CUX1: variants seen among roughly 807,000 people sequenced by gnomAD.
The protein encoded by CUX1 is cut like homeobox 1, also known as protein CASP.
In CUX1, 31 loss-of-function variants were observed where a neutral mutation model predicts 158.8. The observed-to-expected ratio is 0.20, with a 90% CI of 0.15 to 0.26. The LOEUF (loss-of-function observed/expected upper bound fraction) is 0.26, where lower values mean the gene tolerates loss of function less well. Among genes scored for constraint, CUX1 ranks in the 10% least tolerant of loss-of-function variants. CUX1 has a pLI of 1.00. For synonymous variants in CUX1, 879 were observed against 862.1 expected, an observed-to-expected ratio of 1.02 and a Z score of -0.34; for missense variants, 1,589 against 2,014.6, an observed-to-expected ratio of 0.79 and a Z score of 4.04.
At chr7:102,150,408 G>A (rs1283230518) in intron 8 of CUX1, among the ~76,000 whole-genome samples, 5 of 152,096 alleles carry the variant, frequency 3.3e-5, no homozygotes, top group African/African-American at 7.2e-5. Flanking sequence ...CACCTACCTC[G>A]GCCTCCCAAA....
chr7:102,090,537 G>A (rs1434513648), intron 4 of CUX1, among the ~76,000 whole-genome samples: 1 of 151,776 alleles, frequency 6.6e-6, no homozygotes, highest in African/African-American at 2.4e-5. Context: ...ACAGGAGCCC[G>A]CCACCACGCC....
intron 2 of CUX1, among the ~76,000 whole-genome samples, chr7:101,967,734 C>T (rs1811410812): frequency 6.6e-6 from 1 of 152,192 alleles, no homozygotes; most frequent in Non-Finnish European, 1.5e-5. Flanking sequence ...TCCCCAGAAA[C>T]ATATAATCAG....
intron 10 of CUX1, among the ~76,000 whole-genome samples, chr7:102,175,165 G>A (rs1414733587): frequency 6.6e-6 from 1 of 152,230 alleles, no homozygotes; most frequent in African/African-American, 2.4e-5. Flanking sequence ...GGGCGCAGGA[G>A]TTGAGCCCTC....
At chr7:101,962,882 G>C (rs576766314) in intron 2 of CUX1, among the ~76,000 whole-genome samples, 2 of 152,102 alleles carry the variant, frequency 1.3e-5, no homozygotes, top group Non-Finnish European at 2.9e-5. Flanking sequence ...CACTGCACCA[G>C]GCCAATTTTT....
intron 8 of CUX1, among the ~76,000 whole-genome samples, chr7:102,122,714 A>G (rs781975895): frequency 1.2e-4 from 19 of 152,200 alleles, no homozygotes; most frequent in Non-Finnish European, 2.5e-4. Context: ...TGGCTAGGAA[A>G]TGTAATTGAC....
chr7:101,821,476 C>T (rs189769321), intron 1 of CUX1, among the ~76,000 whole-genome samples: 3 of 151,394 alleles, frequency 2.0e-5, no homozygotes, highest in African/African-American at 7.3e-5. Flanking sequence ...GTAGCTGGGA[C>T]TACAGGCGCT....
At chr7:102,221,373 C>T (rs1469263496) in intron 20 of CUX1, among the ~76,000 whole-genome samples, 10 of 152,150 alleles carry the variant, frequency 6.6e-5, no homozygotes, top group African/African-American at 2.4e-4. Context: ...CACCTTCAAG[C>T]TGTTTTTTAC....
chr7:101,861,573 G>A (rs1797460876), intron 1 of CUX1, among the ~76,000 whole-genome samples: 1 of 151,574 alleles, frequency 6.6e-6, no homozygotes, highest in Non-Finnish European at 1.5e-5. Flanking sequence ...GGTGGGACAG[G>A]CGGAGGACTG....
intron 2 of CUX1, among the ~76,000 whole-genome samples, chr7:101,965,222 A>G (rs1253964659): frequency 2.0e-5 from 3 of 152,106 alleles, no homozygotes; most frequent in African/African-American, 7.2e-5. Flanking sequence ...CTATAATCTA[A>G]TGAATCCAGC....
At chr7:101,832,543 C>T (rs1031287038) in intron 1 of CUX1, among the ~76,000 whole-genome samples, 3 of 152,154 alleles carry the variant, frequency 2.0e-5, no homozygotes, top group Admixed American at 6.5e-5. Context: ...ACCCACACTT[C>T]GGCGTTGGAC....
intron 2 of CUX1, among the ~76,000 whole-genome samples, chr7:102,004,056 T>A (rs1174014100): frequency 6.6e-6 from 1 of 152,230 alleles, no homozygotes; most frequent in Non-Finnish European, 1.5e-5. Context: ...AGCTTAACTT[T>A]TTTGTCTTCC....
chr7:102,088,440 C>G (rs1302694875), intron 4 of CUX1, among the ~76,000 whole-genome samples: 1 of 151,946 alleles, frequency 6.6e-6, no homozygotes, highest in African/African-American at 2.4e-5. Context: ...GGAGACCAGC[C>G]TGGCCAATAT....
At chr7:101,843,388 T>G (rs1026926940) in intron 1 of CUX1, among the ~76,000 whole-genome samples, 3 of 152,170 alleles carry the variant, frequency 2.0e-5, no homozygotes, top group Non-Finnish European at 4.4e-5. Flanking sequence ...GCCATCTTAT[T>G]TTGTGTTTTC....
intron 2 of CUX1, among the ~76,000 whole-genome samples, chr7:101,983,205 T>C (rs951520625): frequency 6.6e-6 from 1 of 152,198 alleles, no homozygotes; most frequent in African/African-American, 2.4e-5. Flanking sequence ...GGCATATACG[T>C]GTTTTGAATA....
chr7:102,047,158 C>T (rs1430591277), intron 3 of CUX1, among the ~76,000 whole-genome samples: 2 of 152,168 alleles, frequency 1.3e-5, no homozygotes, highest in African/African-American at 4.8e-5. Flanking sequence ...TGAATGTAGC[C>T]GTTGCCTTCA....
chr7:102,249,263 C>A lies in CUX1; in HGVS notation c.*221C>A. The A allele has an allele frequency of 9.4e-7, 1 of 1,061,068 alleles. No individual in the cohort carries two copies. The highest frequency in any genetic ancestry group is 1.1e-6 in the Non-Finnish European group (1 of 877,848). The allele number at this position is 1,061,068 out of a possible 1,614,324, so 65.7% of individuals were successfully genotyped here. The stretch of plus-strand genomic sequence containing the variant: ...CGCGGCCCAGACCCACTCTGCGGCC[C>A]GGGCCGACCCTGCGGCCTCCACCAA... On this transcript the variant is annotated 3_prime_UTR_variant, in exon 24 of 24. Coordinates refer to ENST00000292535, the MANE Select transcript of CUX1 (RefSeq NM_181552.4).
intron 2 of CUX1, among the ~76,000 whole-genome samples, chr7:101,972,428 T>C (rs930974565): frequency 5.9e-5 from 9 of 152,212 alleles, no homozygotes. Flanking sequence ...AGAATTTTCT[T>C]GCCTCCTCGG....
At position 101,878,333 on chromosome 7, in the gene CUX1, G is replaced by C. The variant is rs565060931; in HGVS notation, c.31-37782G>C. Among the ~76,000 whole-genome samples, 9 of 152,328 alleles carry C rather than the reference G, an allele frequency of 5.9e-5. No homozygotes were observed. In the South Asian group the frequency reaches 1.7e-3, roughly 28 times the overall value. ...TGACTGTCAGTGAGTGTGCCTAGGA[G>C]AGGGGTGGGTCCTTTTAGAGACCAA... On this transcript the variant is annotated intron_variant, in intron 1 of 23. Coordinates refer to ENST00000292535, the MANE Select transcript of CUX1 (RefSeq NM_181552.4).
intron 2 of CUX1, among the ~76,000 whole-genome samples, chr7:102,006,726 A>C (rs754882857): frequency 2.6e-5 from 4 of 152,170 alleles, no homozygotes; most frequent in Admixed American, 1.3e-4. Flanking sequence ...TTATTGGTGA[A>C]TGGGTTTGGG....
Sources: gnomAD v4.1 joint callset for allele counts (sites outside exome capture counted in the v4.1 genomes callset) on GRCh38, gnomAD v4.1.1 for gene constraint, MANE v1.5 for transcripts, NCBI Gene and HGNC (gene_info 2026-07-23, HGNC 2026-07-21) for gene names.